XRRA1: variants seen among roughly 807,000 people sequenced by gnomAD.
XRRA1 encodes the protein X-ray radiation resistance associated 1.
A neutral mutation model predicts 80.2 loss-of-function variants in XRRA1; 69 were observed. That is an observed-to-expected ratio of 0.86 (90% CI 0.71 to 1.05). The LOEUF is 1.05. Among genes scored for constraint, XRRA1 ranks in the 50% least tolerant of loss-of-function variants. XRRA1 has a pLI of 0.00. For synonymous variants in XRRA1, 348 were observed against 389.9 expected (o/e 0.89, Z 1.27); for missense variants, 967 against 976.4 (o/e 0.99, Z 0.13).
At chr11:74,872,442 C>T (rs1028757352) in intron 10 of XRRA1, among the ~76,000 whole-genome samples, 6 of 152,094 alleles carry the variant, frequency 3.9e-5, no homozygotes, top group Admixed American at 6.5e-5. Context: ...GACCAGAAGG[C>T]GGCCCTGGAG....
intron 11 of XRRA1, among the ~76,000 whole-genome samples, chr11:74,860,847 G>C (rs1267637472): frequency 6.6e-6 from 1 of 152,216 alleles, no homozygotes; most frequent in Non-Finnish European, 1.5e-5. Context: ...TTTTCTGAGT[G>C]ATAGGAATAT....
intron 10 of XRRA1, 51 bp from the exon 11 acceptor site, chr11:74,863,072 C>T (rs1469244553): frequency 6.5e-7 from 1 of 1,529,782 alleles, no homozygotes; most frequent in South Asian, 1.2e-5. Context: ...CTGATTGATG[C>T]CTAGAGCACC....
chr11:74,908,733 G>A (rs751367988), intron 8 of XRRA1, among the ~76,000 whole-genome samples: 13 of 152,148 alleles, frequency 8.5e-5, no homozygotes, highest in Admixed American at 7.9e-4. Context: ...TGGGGAAGGC[G>A]CCTATTCGGG....
chr11:74,909,002 G>A (rs1565382151), intron 8 of XRRA1, among the ~76,000 whole-genome samples: 1 of 150,832 alleles, frequency 6.6e-6, no homozygotes, highest in African/African-American at 2.5e-5. Flanking sequence ...GCTGCTCCAC[G>A]GTGCTCAGGG....
chr11:74,913,213 C>CTT (rs1222390798), intron 8 of XRRA1, among the ~76,000 whole-genome samples: 1 of 152,160 alleles, frequency 6.6e-6, no homozygotes, highest in Non-Finnish European at 1.5e-5. Flanking sequence ...ACCCCAGGAA[C>CTT]TTTTCTTCCC....
intron 10 of XRRA1, among the ~76,000 whole-genome samples, chr11:74,889,776 T>C (rs773613184): frequency 1.8e-4 from 28 of 152,076 alleles, no homozygotes; most frequent in Non-Finnish European, 4.0e-4. Context: ...AAAACAGACT[T>C]TAAACCAACA....
chr11:74,906,267 C>T lies in XRRA1; in HGVS notation c.975G>A (p.Leu325=). The T allele has an allele frequency of 6.2e-7, 1 of 1,613,926 alleles. No homozygotes were observed. The highest frequency in any genetic ancestry group is 8.5e-7 in the Non-Finnish European group (1 of 1,179,880). The change falls in exon 10 of 19, where the codon CTG becomes CTA. Residue 325 remains leucine (L), a synonymous_variant. Transcript: ENST00000684022. ...DSDEQLDYTV[L]PMKKDVDRTE... ...TCCGGTCAACATCCTTTTTCATGGGCAGTACAGTATAATCCAGTTGCTCAT... is the reference window on the plus strand; with the variant it reads ...TCCGGTCAACATCCTTTTTCATGGGTAGTACAGTATAATCCAGTTGCTCAT...
intron 10 of XRRA1, chr11:74,877,101 T>C (rs1382864054): frequency 6.6e-6 from 1 of 152,240 alleles, no homozygotes; most frequent in East Asian, 1.9e-4. Context: ...CTGGATGGAA[T>C]ATTCTAATTG....
At chr11:74,905,481 T>C (rs2054385737) in intron 10 of XRRA1, among the ~76,000 whole-genome samples, 1 of 152,180 alleles carries the variant, frequency 6.6e-6, no homozygotes, top group Non-Finnish European at 1.5e-5. Context: ...TCTGACAATA[T>C]GGGTGGTGCT....
chr11:74,848,509 C>G, intron 14 of XRRA1, 47 bp from the exon 15 acceptor site: 1 of 1,517,894 alleles, frequency 6.6e-7, no homozygotes, highest in Non-Finnish European at 8.9e-7. Flanking sequence ...AATTAGGATT[C>G]TCTCCTCCTG....
chr11:74,943,093 T>G (rs142525681), intron 2 of XRRA1, among the ~76,000 whole-genome samples: 1 of 152,142 alleles, frequency 6.6e-6, no homozygotes, highest in Non-Finnish European at 1.5e-5. Context: ...ACCTAGAGAA[T>G]AAAAAGAGCA....
intron 2 of XRRA1, among the ~76,000 whole-genome samples, chr11:74,942,854 G>T (rs910113488): frequency 6.6e-5 from 10 of 152,214 alleles, no homozygotes; most frequent in African/African-American, 2.2e-4. Flanking sequence ...GATGAGAAAA[G>T]CTTCACTACA....
intron 8 of XRRA1, chr11:74,919,859 AAT>A: frequency 2.4e-6 from 1 of 413,190 alleles, no homozygotes. Context: ...TTGTCCAGAG[AAT>A]ATAATGAGGA....
At chr11:74,915,277 G>A (rs1401391765) in intron 8 of XRRA1, among the ~76,000 whole-genome samples, 1 of 152,214 alleles carries the variant, frequency 6.6e-6, no homozygotes, top group Non-Finnish European at 1.5e-5. Context: ...GTTGCTTAAA[G>A]TATAGAGAAA....
intron 10 of XRRA1, among the ~76,000 whole-genome samples, chr11:74,901,870 G>T (rs969998439): frequency 2.0e-5 from 3 of 152,148 alleles, no homozygotes; most frequent in Non-Finnish European, 4.4e-5. Context: ...AAATTTTCTT[G>T]AGTAGTAATA....
intron 6 of XRRA1, among the ~76,000 whole-genome samples, chr11:74,927,894 A>G (rs1395348939): frequency 6.6e-6 from 1 of 152,254 alleles, no homozygotes; most frequent in African/African-American, 2.4e-5. Flanking sequence ...ACAAGTATTA[A>G]AAGTTCCATA....
intron 10 of XRRA1, chr11:74,877,089 T>A (rs2046205958): frequency 6.6e-6 from 1 of 152,234 alleles, no homozygotes; most frequent in Non-Finnish European, 1.5e-5. Context: ...CAATGTAGAA[T>A]TCTGGATGGA....
intron 1 of XRRA1, among the ~76,000 whole-genome samples, chr11:74,946,746 C>T (rs569652364): frequency 6.6e-6 from 1 of 151,652 alleles, no homozygotes; most frequent in East Asian, 1.9e-4. Flanking sequence ...TCCTACTTAC[C>T]TCTTTTTCTT....
At chr11:74,847,710 TTATAC>T (rs1224366395) in intron 15 of XRRA1, among the ~76,000 whole-genome samples, 1 of 152,122 alleles carries the variant, frequency 6.6e-6, no homozygotes, top group Non-Finnish European at 1.5e-5. Context: ...ATGTTCCCCA[TTATAC>T]TGAGAGCACC....
Sources: allele counts gnomAD v4.1 joint callset (sites outside exome capture counted in the v4.1 genomes callset), GRCh38; gene constraint gnomAD v4.1.1; transcripts MANE v1.5; gene names NCBI Gene and HGNC (gene_info 2026-07-23, HGNC 2026-07-21).